The following CDH23 variants were observed in gnomAD, a reference collection of about 807,000 sequenced individuals.
CDH23 encodes cadherin related 23.
Under a neutral mutation model 317.1 loss-of-function variants are expected in CDH23, and 189 were observed. That is an observed-to-expected ratio of 0.60 (90% CI 0.53 to 0.67). The LOEUF (loss-of-function observed/expected upper bound fraction) is 0.67, where lower values mean the gene tolerates loss of function less well. CDH23 is among the 30% of genes least tolerant of loss of function. CDH23 has a pLI of 0.00. For synonymous variants in CDH23, 1,839 were observed against 1,876.8 expected, an observed-to-expected ratio of 0.98 and a Z score of 0.52; for missense variants, 4,401 against 4,592.4, an observed-to-expected ratio of 0.96 and a Z score of 1.20.
intron 18 of CDH23, among the ~76,000 whole-genome samples, chr10:71,686,526 C>T (rs1864904068): frequency 6.6e-6 from 1 of 152,226 alleles, no homozygotes; most frequent in African/African-American, 2.4e-5. Flanking sequence ...AGAGAGCATG[C>T]CCCCATCTTT....
At chr10:71,588,889 A>G (rs1375101441) in intron 9 of CDH23, among the ~76,000 whole-genome samples, 1 of 152,176 alleles carries the variant, frequency 6.6e-6, no homozygotes, top group Non-Finnish European at 1.5e-5. Flanking sequence ...CTGGGCGCCC[A>G]TGACCCTGGA....
At chr10:71,424,621 A>G (rs913014894) in intron 1 of CDH23, among the ~76,000 whole-genome samples, 1 of 152,086 alleles carries the variant, frequency 6.6e-6, no homozygotes, top group Non-Finnish European at 1.5e-5. Flanking sequence ...CCTGCAACAT[A>G]GTGTCAGGCT....
At chr10:71,796,111 G>A (rs966983377) in intron 48 of CDH23, 28 of 985,244 alleles carry the variant, frequency 2.8e-5, no homozygotes, top group East Asian at 2.3e-4. Context: ...GGGGACCCAC[G>A]GAAGACAGAA....
intron 3 of CDH23, among the ~76,000 whole-genome samples, chr10:71,502,297 T>C (rs1331072141): frequency 6.6e-6 from 1 of 152,232 alleles, no homozygotes; most frequent in African/African-American, 2.4e-5. Context: ...CTTGCTTTCT[T>C]GTGCCTTTTA....
chr10:71,627,527 A>G (rs1861798471), intron 11 of CDH23, among the ~76,000 whole-genome samples: 1 of 152,062 alleles, frequency 6.6e-6, no homozygotes, highest in Non-Finnish European at 1.5e-5. Context: ...CTCTTTGTAA[A>G]TCTAATTAGC....
chr10:71,674,056 G>A (rs546273675), intron 14 of CDH23, among the ~76,000 whole-genome samples: 1 of 152,326 alleles, frequency 6.6e-6, no homozygotes, highest in African/African-American at 2.4e-5. Context: ...TCCAACACAA[G>A]AGGCAGCCCT....
chr10:71,598,115 A>G (rs1284042627), intron 9 of CDH23, among the ~76,000 whole-genome samples: 1 of 152,236 alleles, frequency 6.6e-6, no homozygotes, highest in Non-Finnish European at 1.5e-5. Context: ...TTTCGTAATT[A>G]AAGCCGTAAG....
chr10:71,781,457 G>A (rs1840951493), intron 41 of CDH23, among the ~76,000 whole-genome samples: 1 of 152,220 alleles, frequency 6.6e-6, no homozygotes, highest in Admixed American at 6.5e-5. Context: ...AGCACAGGAG[G>A]ATGCCGGCAC....
intron 3 of CDH23, among the ~76,000 whole-genome samples, chr10:71,465,766 G>A (rs1299206371): frequency 1.3e-5 from 2 of 152,206 alleles, no homozygotes; most frequent in Admixed American, 6.5e-5. Flanking sequence ...AGGTAGCCGC[G>A]CTGAGTGACA....
chr10:71,538,654 A>G (rs1351232325), intron 6 of CDH23, among the ~76,000 whole-genome samples: 1 of 152,248 alleles, frequency 6.6e-6, no homozygotes, highest in Non-Finnish European at 1.5e-5. Flanking sequence ...AGCAAATGAC[A>G]GGCAGCTAGA....
chr10:71,760,004 TATATATAC>T (rs1840287862), intron 38 of CDH23, among the ~76,000 whole-genome samples: 9 of 53,028 alleles, frequency 1.7e-4, no homozygotes, highest in East Asian at 7.6e-4. Flanking sequence ...CACACATACA[TATATATAC>T]ACACACACAT....
intron 11 of CDH23, among the ~76,000 whole-genome samples, chr10:71,642,393 C>CTTTTTTTTTT (rs781291264): frequency 3.5e-5 from 3 of 85,424 alleles, no homozygotes; most frequent in African/African-American, 4.5e-5. Flanking sequence ...GGCCCGGCCT[C>CTTTTTTTTTT]TTTTTTTTTT....
intron 14 of CDH23, among the ~76,000 whole-genome samples, chr10:71,663,556 C>T (rs1863765142): frequency 6.6e-6 from 1 of 152,240 alleles, no homozygotes; most frequent in Non-Finnish European, 1.5e-5. Context: ...TCTGGCCTTG[C>T]TGGGTCTTTT....
At chr10:71,695,787 CA>C (rs1247052488) in intron 22 of CDH23, among the ~76,000 whole-genome samples, 1 of 152,210 alleles carries the variant, frequency 6.6e-6, no homozygotes, top group Non-Finnish European at 1.5e-5. Flanking sequence ...GGGACAGTGG[CA>C]GGGGAGCTCT....
At chr10:71,467,185 C>G (rs543652314) in intron 3 of CDH23, among the ~76,000 whole-genome samples, 7 of 152,072 alleles carry the variant, frequency 4.6e-5, no homozygotes, top group Non-Finnish European at 1.0e-4. Flanking sequence ...CACCCAGGAC[C>G]TGGGCTGCTG....
In CDH23 at chr10:71,703,354, C is replaced by T. The variant is rs528116613; in HGVS notation, c.2733+660C>T. Among the ~76,000 whole-genome samples the T allele has an allele frequency of 9.2e-5, 14 of 152,342 alleles. No homozygotes were observed. The South Asian group carries it at 2.5e-3, about 27-fold the overall frequency. ...AGCATGGGCCGTGGAGTCCAACCAA[C>T]GGGGATGTGAATCCCATCTCCAGCA... On this transcript the variant is annotated intron_variant, in intron 24 of 69. Coordinates refer to ENST00000224721, the MANE Select transcript of CDH23 (RefSeq NM_022124.6).
intron 3 of CDH23, among the ~76,000 whole-genome samples, chr10:71,494,644 G>T (rs1293739226): frequency 2.0e-5 from 3 of 152,186 alleles, no homozygotes; most frequent in Non-Finnish European, 2.9e-5. Flanking sequence ...GCAAGGCCGG[G>T]ACTGCGGTGA....
intron 38 of CDH23, among the ~76,000 whole-genome samples, chr10:71,760,072 C>T (rs1245220735): frequency 3.4e-5 from 4 of 119,394 alleles, no homozygotes; most frequent in African/African-American, 6.5e-5. Context: ...TACACACACA[C>T]ATATATATAC....
chr10:71,500,930 C>A (rs1382380636), intron 3 of CDH23, among the ~76,000 whole-genome samples: 2 of 151,676 alleles, frequency 1.3e-5, no homozygotes. Flanking sequence ...AGTGCAGTGG[C>A]ATGATCTTGG....
Sources: allele counts gnomAD v4.1 joint callset (sites outside exome capture counted in the v4.1 genomes callset), GRCh38; gene constraint gnomAD v4.1.1; transcripts MANE v1.5; gene names NCBI Gene and HGNC (gene_info 2026-07-23, HGNC 2026-07-21).